The following AKR1C8 variants were observed in gnomAD, a reference collection of about 807,000 sequenced individuals.
AKR1C8 encodes aldo-keto reductase family 1 member C-like protein 1.
the AKR1C8 span, among the ~76,000 whole-genome samples, chr10:5,123,107 C>T: frequency 6.6e-6 from 1 of 152,154 alleles, no homozygotes; most frequent in South Asian, 2.1e-4. Context: ...ACCCATGCTG[C>T]CTCTTCTGTG....
chr10:5,145,755 G>A, the AKR1C8 span, among the ~76,000 whole-genome samples: 375 of 151,878 alleles, frequency 2.5e-3, 4 homozygotes, highest in African/African-American at 8.7e-3. Context: ...TGGTGGGACT[G>A]TCAACTAGTT....
the AKR1C8 span, among the ~76,000 whole-genome samples, chr10:5,124,981 T>C: frequency 2.0e-5 from 3 of 151,416 alleles, no homozygotes; most frequent in Non-Finnish European, 4.4e-5. Context: ...AAAAGTACCT[T>C]TTGAAAACGT....
chr10:5,144,915 G>C, the AKR1C8 span, among the ~76,000 whole-genome samples: 1 of 152,146 alleles, frequency 6.6e-6, no homozygotes, highest in East Asian at 1.9e-4. Flanking sequence ...ATGTTGAATA[G>C]GAGTGGTGAG....
the AKR1C8 span, among the ~76,000 whole-genome samples, chr10:5,175,487 A>G: frequency 2.0e-5 from 3 of 152,164 alleles, no homozygotes; most frequent in Non-Finnish European, 4.4e-5. Context: ...TTGGGTATAT[A>G]CCCAGTAATG....
At chr10:5,174,824 A>C in the AKR1C8 span, among the ~76,000 whole-genome samples, 3 of 152,108 alleles carry the variant, frequency 2.0e-5, no homozygotes, top group Non-Finnish European at 4.4e-5. Context: ...TAAATAAAAT[A>C]AAATAAAAAT....
the AKR1C8 span, among the ~76,000 whole-genome samples, chr10:5,143,732 T>C: frequency 6.8e-6 from 1 of 148,118 alleles, no homozygotes; most frequent in Non-Finnish European, 1.5e-5. Context: ...TTATATATAA[T>C]ATCTATATAT....
chr10:5,135,477 T>G, the AKR1C8 span, among the ~76,000 whole-genome samples: 1 of 152,132 alleles, frequency 6.6e-6, no homozygotes, highest in Non-Finnish European at 1.5e-5. Flanking sequence ...AAAATTATTA[T>G]TTTCTTACTA....
At chr10:5,145,042 C>G in the AKR1C8 span, among the ~76,000 whole-genome samples, 2 of 151,526 alleles carry the variant, frequency 1.3e-5, no homozygotes, top group African/African-American at 4.9e-5. Context: ...TGAAATATGT[C>G]CCATCAATAC....
At chr10:5,167,241 C>A in the AKR1C8 span, among the ~76,000 whole-genome samples, 3 of 152,158 alleles carry the variant, frequency 2.0e-5, no homozygotes, top group African/African-American at 7.2e-5. Context: ...CCTCAGGGAT[C>A]TAGAACTAGA....
chr10:5,120,003 C>T, the AKR1C8 span, among the ~76,000 whole-genome samples: 4 of 152,106 alleles, frequency 2.6e-5, no homozygotes, highest in African/African-American at 7.2e-5. Context: ...CAAATCTCTG[C>T]AGCACTGTGA....
the AKR1C8 span, among the ~76,000 whole-genome samples, chr10:5,177,710 G>A: frequency 6.6e-6 from 1 of 152,168 alleles, no homozygotes; most frequent in Non-Finnish European, 1.5e-5. Context: ...AGTCTTGGGA[G>A]GGTGTATGTG....
At chr10:5,120,997 T>C in the AKR1C8 span, among the ~76,000 whole-genome samples, 1 of 152,140 alleles carries the variant, frequency 6.6e-6, no homozygotes, top group Admixed American at 6.5e-5. Flanking sequence ...ATCAAGGGAT[T>C]ATAAATAGAA....
the AKR1C8 span, among the ~76,000 whole-genome samples, chr10:5,146,288 G>A: frequency 3.3e-5 from 5 of 151,844 alleles, no homozygotes; most frequent in Non-Finnish European, 1.5e-5. Flanking sequence ...CATGGCACAT[G>A]TATACGTATG....
chr10:5,116,377 C>T, the AKR1C8 span, among the ~76,000 whole-genome samples: 23 of 152,188 alleles, frequency 1.5e-4, no homozygotes, highest in Admixed American at 1.4e-3. Context: ...GGTGAAGTCA[C>T]GGGAATAGGA....
chr10:5,157,715 C>T, the AKR1C8 span: 1,579 of 472,712 alleles, frequency 3.3e-3, 19 homozygotes, highest in African/African-American at 0.029. Flanking sequence ...TAGCGCAGGG[C>T]GACCTGGCCT....
chr10:5,140,960 G>T, the AKR1C8 span, among the ~76,000 whole-genome samples: 10 of 152,240 alleles, frequency 6.6e-5, no homozygotes, highest in South Asian at 2.1e-3. Flanking sequence ...AATGAAATTT[G>T]CCTCATTGAT....
At chr10:5,145,205 T>C in the AKR1C8 span, among the ~76,000 whole-genome samples, 2 of 152,108 alleles carry the variant, frequency 1.3e-5, no homozygotes, top group Non-Finnish European at 2.9e-5. Context: ...TCAAGATGGA[T>C]TAAAGACTTA....
chr10:5,183,276 G>T, the AKR1C8 span, among the ~76,000 whole-genome samples: 11 of 151,954 alleles, frequency 7.2e-5, no homozygotes, highest in Admixed American at 1.3e-4. Flanking sequence ...GGAATATATA[G>T]AATACCCATA....
the AKR1C8 span, among the ~76,000 whole-genome samples, chr10:5,179,692 T>C: frequency 3.3e-5 from 5 of 151,694 alleles, no homozygotes; most frequent in South Asian, 1.0e-3. Flanking sequence ...CTTTTTTCTC[T>C]AAACTTCCCT....
Sources: gnomAD v4.1 joint callset for allele counts (sites outside exome capture counted in the v4.1 genomes callset) on GRCh38, gnomAD v4.1.1 for gene constraint, MANE v1.5 for transcripts, NCBI Gene and HGNC (gene_info 2026-07-23, HGNC 2026-07-21) for gene names.